CTIF: variants seen among roughly 807,000 people sequenced by gnomAD.
CTIF encodes the protein cap binding complex dependent translation initiation factor.
CTIF carries 21 observed loss-of-function variants against 66.0 expected under a neutral mutation model. That is an observed-to-expected ratio of 0.32 (90% CI 0.23 to 0.46). The LOEUF is 0.46. CTIF is among the 20% of genes least tolerant of loss of function. The probability of loss-of-function intolerance (pLI) is 1.00; values close to 1 mark genes in which losing one functional copy is unlikely to be tolerated. For synonymous variants in CTIF, 345 were observed against 326.4 expected (o/e 1.06, Z -0.62); for missense variants, 739 against 812.7 (o/e 0.91, Z 1.10).
intron 6 of CTIF, among the ~76,000 whole-genome samples, chr18:48,684,447 T>A (rs2091802523): frequency 6.6e-6 from 1 of 152,174 alleles, no homozygotes; most frequent in Non-Finnish European, 1.5e-5. Flanking sequence ...AGATATCTAA[T>A]CTCTAATATT....
At chr18:48,850,503 A>G (rs1229153667) in intron 10 of CTIF, among the ~76,000 whole-genome samples, 3 of 152,232 alleles carry the variant, frequency 2.0e-5, no homozygotes, top group African/African-American at 7.2e-5. Flanking sequence ...AGGAAATCAG[A>G]GCCCTGAAGA....
intron 1 of CTIF, among the ~76,000 whole-genome samples, chr18:48,599,747 G>A (rs1175220634): frequency 6.6e-6 from 1 of 152,234 alleles, no homozygotes; most frequent in African/African-American, 2.4e-5. Flanking sequence ...AGGATCCAGA[G>A]GATTAGAAGG....
At chr18:48,705,625 T>G (rs942796981) in intron 6 of CTIF, among the ~76,000 whole-genome samples, 2 of 152,100 alleles carry the variant, frequency 1.3e-5, no homozygotes, top group Non-Finnish European at 2.9e-5. Flanking sequence ...ACAGATGGGG[T>G]CACACTGTGG....
chr18:48,723,048 A>G (rs1318453631), intron 7 of CTIF, among the ~76,000 whole-genome samples: 1 of 152,242 alleles, frequency 6.6e-6, no homozygotes, highest in African/African-American at 2.4e-5. Context: ...TTTATTTCCA[A>G]TTTACAGATG....
At chr18:48,730,334 TGCGGTGTGAGGGGCTCCTGCTGTGTGA>T (rs2092432234) in intron 7 of CTIF, among the ~76,000 whole-genome samples, 4 of 88,204 alleles carry the variant, frequency 4.5e-5, no homozygotes, top group African/African-American at 7.5e-5. Flanking sequence ...GAGGGGCCCC[TGCGGTGTGAGGGGCTCCTGCTGTGTGA>T]GGGGCCCCTG....
chr18:48,838,723 T>C (rs1228535686), intron 10 of CTIF, among the ~76,000 whole-genome samples: 1 of 152,202 alleles, frequency 6.6e-6, no homozygotes, highest in Non-Finnish European at 1.5e-5. Context: ...ATTTATTTGG[T>C]GGCCCCTTAA....
At chr18:48,544,573 G>A (rs1456919908) in intron 1 of CTIF, among the ~76,000 whole-genome samples, 1 of 152,218 alleles carries the variant, frequency 6.6e-6, no homozygotes, top group Non-Finnish European at 1.5e-5. Flanking sequence ...AAGGGGTAGG[G>A]GAGATAAAGT....
rs188940917 is a variant in CTIF at position 48,625,753 on chromosome 18, T to C, written c.180+6008T>C. Reference sequence around the variant, plus strand: ...AGCATGGATTTATTTAACCATTTGCTTAATGGTAGGCACTCAGGTTACTTC... The same window carrying C: ...AGCATGGATTTATTTAACCATTTGCCTAATGGTAGGCACTCAGGTTACTTC... On this transcript the variant is annotated intron_variant, in intron 2 of 11. Transcript: ENST00000256413. Among the ~76,000 whole-genome samples, 294 of 152,338 alleles carry C rather than the reference T, an allele frequency of 1.9e-3. 2 individuals carry two copies. Among genetic ancestry groups the C allele is most frequent in the South Asian group, 6.2e-3 (30 of 4,828 alleles).
chr18:48,581,866 A>C (rs2089665272), intron 1 of CTIF, among the ~76,000 whole-genome samples: 1 of 152,070 alleles, frequency 6.6e-6, no homozygotes, highest in Non-Finnish European at 1.5e-5. Context: ...TAAGTGGCAA[A>C]GGGAATGGTT....
intron 7 of CTIF, among the ~76,000 whole-genome samples, chr18:48,715,686 A>G (rs1055014325): frequency 6.6e-6 from 1 of 152,226 alleles, no homozygotes; most frequent in Non-Finnish European, 1.5e-5. Context: ...AGATGAACAC[A>G]TTAAGGCAAT....
intron 5 of CTIF, among the ~76,000 whole-genome samples, chr18:48,665,531 C>A (rs2091422990): frequency 6.6e-6 from 1 of 152,192 alleles, no homozygotes; most frequent in Non-Finnish European, 1.5e-5. Flanking sequence ...AGTCCACTGG[C>A]ATTTAGTATG....
At chr18:48,752,152 G>A (rs1907887451) in intron 7 of CTIF, among the ~76,000 whole-genome samples, 1 of 152,208 alleles carries the variant, frequency 6.6e-6, no homozygotes, top group Admixed American at 6.5e-5. Flanking sequence ...GGCTGGCAAA[G>A]ACCTCAATCT....
At chr18:48,757,773 G>A in intron 7 of CTIF, 146 bp from the exon 8 acceptor site, 1 of 1,111,168 alleles carries the variant, frequency 9.0e-7, no homozygotes, top group Non-Finnish European at 1.3e-6. Flanking sequence ...CACAGACTCT[G>A]GCACGTAGAA....
chr18:48,543,926 T>G (rs1475343351), intron 1 of CTIF, among the ~76,000 whole-genome samples: 3 of 152,220 alleles, frequency 2.0e-5, no homozygotes, highest in Non-Finnish European at 4.4e-5. Flanking sequence ...TATCTTCATC[T>G]TTGGCATTCA....
intron 7 of CTIF, among the ~76,000 whole-genome samples, chr18:48,737,382 T>C (rs1444009509): frequency 6.6e-6 from 1 of 152,248 alleles, no homozygotes; most frequent in Non-Finnish European, 1.5e-5. Flanking sequence ...GAGGTCATGA[T>C]GTTCAGAAGA....
chr18:48,592,747 G>A lies in CTIF; in HGVS notation c.-28-26791G>A, dbSNP rs575155216. Among the ~76,000 whole-genome samples, 15 of 152,364 alleles carry A rather than the reference G, an allele frequency of 9.8e-5. No individual in the cohort carries two copies. In the South Asian group the frequency reaches 2.5e-3, roughly 25 times the overall value. Reference sequence around the variant, plus strand: ...CAGGCCTCTGCCTGGCAGTGCTGAGGATAGCGATTAGCAGGGAGTGGCGGG... The same window carrying A: ...CAGGCCTCTGCCTGGCAGTGCTGAGAATAGCGATTAGCAGGGAGTGGCGGG... On this transcript the variant is annotated intron_variant, in intron 1 of 11. Transcript: ENST00000256413.
In CTIF at chr18:48,821,560, A is replaced by G. The variant is rs78035811; in HGVS notation, c.1527+4184A>G. Among the ~76,000 whole-genome samples, 407 of 152,348 alleles carry G rather than the reference A, an allele frequency of 2.7e-3. 3 individuals carry two copies. Among genetic ancestry groups the G allele is most frequent in the African/African-American group, 9.4e-3 (391 of 41,590 alleles). On this transcript the variant is annotated intron_variant, in intron 10 of 11. Transcript: ENST00000256413. The stretch of plus-strand genomic sequence containing the variant: ...CACCTATATGGTAGGATCCCAGTAG[A>G]TCTTGGTGGAATTGATTCCATTTTT...
chr18:48,828,074 C>T lies in CTIF; in HGVS notation c.1527+10698C>T, dbSNP rs1319947. 2.7e-4 allele frequency among the ~76,000 whole-genome samples: 39 copies of T among 143,098 alleles called. 1 individual carries two copies. Among genetic ancestry groups the T allele is most frequent in the African/African-American group, 9.7e-4 (38 of 39,040 alleles). 93.9% of individuals were successfully genotyped at this position (143,098 alleles called of 152,430 possible). ...TGCTTCCTTAGCCAGACTCTGCAAA[C>T]TGAAATGTGAAATTTGAAGCCAGTG... is the stretch of plus-strand genomic sequence containing the variant. On this transcript the variant is annotated intron_variant, in intron 10 of 11. Coordinates refer to ENST00000256413, the MANE Select transcript of CTIF (RefSeq NM_014772.3).
At chr18:48,556,766 T>C (rs1375440483) in intron 1 of CTIF, among the ~76,000 whole-genome samples, 2 of 152,208 alleles carry the variant, frequency 1.3e-5, no homozygotes, top group South Asian at 2.1e-4. Flanking sequence ...GGTTTCACCA[T>C]GTTGGCCAGG....
Sources: allele counts gnomAD v4.1 joint callset (sites outside exome capture counted in the v4.1 genomes callset), GRCh38; gene constraint gnomAD v4.1.1; transcripts MANE v1.5; gene names NCBI Gene and HGNC (gene_info 2026-07-23, HGNC 2026-07-21).